LINGO2: variants seen among roughly 807,000 people sequenced by gnomAD.
LINGO2 encodes the protein leucine rich repeat and Ig domain containing 2, also known as leucine-rich repeat and immunoglobulin-like domain-containing nogo receptor-interacting protein 2.
In LINGO2, 14 loss-of-function variants were observed where a neutral mutation model predicts 30.6. The observed-to-expected ratio is 0.46, with a 90% confidence interval of 0.30 to 0.72. LINGO2 has a LOEUF of 0.72. Among genes scored for constraint, LINGO2 ranks in the 30% least tolerant of loss-of-function variants. The pLI is 0.07. For synonymous variants in LINGO2, 317 were observed against 288.5 expected, an observed-to-expected ratio of 1.10 and a Z score of -1.00; for missense variants, 729 against 751.7, an observed-to-expected ratio of 0.97 and a Z score of 0.35.
intron 4 of LINGO2, among the ~76,000 whole-genome samples, chr9:28,126,718 A>C (rs963932305): frequency 6.6e-6 from 1 of 152,194 alleles, no homozygotes; most frequent in Non-Finnish European, 1.5e-5. Flanking sequence ...ACAACAAATA[A>C]ATATCAACTT....
the LINGO2 span, among the ~76,000 whole-genome samples, chr9:28,923,657 C>G: frequency 0.012 from 1,779 of 151,952 alleles, 36 homozygotes; most frequent in African/African-American, 0.04. Context: ...TGAATGTAGA[C>G]GACATAAGAA....
rs1447578510 is a variant in LINGO2, at chr9:28,511,858, C to T, written c.-364-35833G>A. Among the ~76,000 whole-genome samples the T allele has an allele frequency of 2.0e-5, 3 of 152,176 alleles. No homozygotes were observed. In the East Asian group the frequency reaches 5.8e-4, roughly 29 times the overall value. On this transcript the variant is annotated intron_variant, in intron 1 of 5. Transcript: ENST00000379992. ...ACACTGGGAAGATTTCCCTTCACCA[C>T]TGTCCTTCAGCGATGTCCAAGAAAG...
chr9:28,961,697 C>T, the LINGO2 span, among the ~76,000 whole-genome samples: 1 of 152,260 alleles, frequency 6.6e-6, no homozygotes, highest in East Asian at 1.9e-4. Context: ...CTGTAACCAT[C>T]GTTCAAGGTG....
At chr9:28,252,114 A>C (rs973250651) in intron 4 of LINGO2, among the ~76,000 whole-genome samples, 1 of 152,220 alleles carries the variant, frequency 6.6e-6, no homozygotes, top group African/African-American at 2.4e-5. Context: ...AAGCACAAAC[A>C]TTTATAGTCA....
At chr9:28,663,215 G>C (rs1328775898) in intron 1 of LINGO2, among the ~76,000 whole-genome samples, 1 of 152,082 alleles carries the variant, frequency 6.6e-6, no homozygotes, top group East Asian at 1.9e-4. Context: ...CTGTTGCCCA[G>C]GCTGGAGTGC....
chr9:28,754,626 G>T, the LINGO2 span, among the ~76,000 whole-genome samples: 1 of 150,876 alleles, frequency 6.6e-6, no homozygotes, highest in Non-Finnish European at 1.5e-5. Context: ...CTGTTTATCT[G>T]TTTCTGTCCT....
chr9:28,174,946 G>GAC (rs1238236386), intron 4 of LINGO2, among the ~76,000 whole-genome samples: 9 of 150,750 alleles, frequency 6.0e-5, no homozygotes, highest in East Asian at 1.9e-4. Flanking sequence ...GAGAGAGAGA[G>GAC]AGACAGACAG....
intron 4 of LINGO2, among the ~76,000 whole-genome samples, chr9:28,089,140 A>T (rs1489469711): frequency 6.6e-6 from 1 of 152,180 alleles, no homozygotes; most frequent in Non-Finnish European, 1.5e-5. Context: ...ACCATTGTCA[A>T]CATTAGACAG....
chr9:28,271,855 T>A (rs1382196760), intron 4 of LINGO2, among the ~76,000 whole-genome samples: 1 of 152,176 alleles, frequency 6.6e-6, no homozygotes, highest in Non-Finnish European at 1.5e-5. Context: ...TAGGAATTTG[T>A]TAGAAAATAG....
chr9:28,005,639 C>T (rs1373112710), intron 5 of LINGO2, among the ~76,000 whole-genome samples: 2 of 151,838 alleles, frequency 1.3e-5, no homozygotes, highest in African/African-American at 2.4e-5. Context: ...TGTAGGCTTG[C>T]TTGAGTGTGT....
chr9:28,207,778 G>C (rs1213382777), intron 4 of LINGO2, among the ~76,000 whole-genome samples: 2 of 152,050 alleles, frequency 1.3e-5, no homozygotes, highest in Non-Finnish European at 2.9e-5. Flanking sequence ...ATAAACATTT[G>C]GTGCCATGCC....
At chr9:28,339,106 T>A (rs907035057) in intron 3 of LINGO2, among the ~76,000 whole-genome samples, 16 of 152,168 alleles carry the variant, frequency 1.1e-4, no homozygotes, top group African/African-American at 3.6e-4. Context: ...GAGATTCTAT[T>A]TACTCTTCAG....
At chr9:29,202,817 G>A in the LINGO2 span, among the ~76,000 whole-genome samples, 1 of 151,978 alleles carries the variant, frequency 6.6e-6, no homozygotes, top group Non-Finnish European at 1.5e-5. Flanking sequence ...CCTATGAACT[G>A]ATGAATAGGA....
the LINGO2 span, among the ~76,000 whole-genome samples, chr9:28,766,053 C>T: frequency 2.0e-5 from 3 of 151,886 alleles, no homozygotes; most frequent in East Asian, 3.9e-4. Flanking sequence ...TTTCAAATAT[C>T]GCATAAAAAG....
intron 1 of LINGO2, among the ~76,000 whole-genome samples, chr9:28,497,690 C>T (rs1030109420): frequency 1.1e-4 from 16 of 152,250 alleles, no homozygotes; most frequent in South Asian, 6.2e-4. Context: ...AGCTTTGTTC[C>T]GTTGCTGGTG....
intron 2 of LINGO2, among the ~76,000 whole-genome samples, chr9:28,435,775 T>C (rs1304657660): frequency 1.3e-5 from 2 of 152,180 alleles, no homozygotes; most frequent in Non-Finnish European, 2.9e-5. Flanking sequence ...CAAAGGACCA[T>C]GTGAGACTGC....
At chr9:28,937,235 C>G in the LINGO2 span, among the ~76,000 whole-genome samples, 5 of 151,070 alleles carry the variant, frequency 3.3e-5, no homozygotes, top group African/African-American at 1.2e-4. Context: ...ATCCCAGTAT[C>G]GACTCCAAGA....
intron 4 of LINGO2, among the ~76,000 whole-genome samples, chr9:28,270,489 C>T (rs960070411): frequency 1.3e-5 from 2 of 152,038 alleles, no homozygotes; most frequent in South Asian, 4.1e-4. Flanking sequence ...CCCAATGCGA[C>T]CACCAGGCCA....
chr9:28,034,923 T>C (rs1036611513), intron 4 of LINGO2, among the ~76,000 whole-genome samples: 2 of 152,218 alleles, frequency 1.3e-5, no homozygotes, highest in African/African-American at 4.8e-5. Context: ...AGTTGCAGAT[T>C]TTGAGTGTAT....
Sources: allele counts gnomAD v4.1 joint callset (sites outside exome capture counted in the v4.1 genomes callset), GRCh38; gene constraint gnomAD v4.1.1; transcripts MANE v1.5; gene names NCBI Gene and HGNC (gene_info 2026-07-23, HGNC 2026-07-21).